Variants in CDH12 observed in about 807,000 individuals in gnomAD.
The protein encoded by CDH12 is cadherin 12, also known as cadherin-12.
Under a neutral mutation model 74.1 loss-of-function variants are expected in CDH12, and 41 were observed. That is an observed-to-expected ratio of 0.55 (90% CI 0.43 to 0.72). The LOEUF is 0.72. Among genes scored for constraint, CDH12 ranks in the 30% least tolerant of loss-of-function variants. The pLI, the probability that CDH12 is intolerant of heterozygous loss-of-function variation, is 0.00. For synonymous variants in CDH12, 399 were observed against 355.0 expected, an observed-to-expected ratio of 1.12 and a Z score of -1.39; for missense variants, 945 against 977.2, an observed-to-expected ratio of 0.97 and a Z score of 0.44.
chr5:22,499,035 C>G (rs989583467), intron 2 of CDH12, among the ~76,000 whole-genome samples: 1 of 150,870 alleles, frequency 6.6e-6, no homozygotes, highest in African/African-American at 2.4e-5. Context: ...TCTCAAGTAC[C>G]GGGGATTACA....
At chr5:22,720,915 A>G (rs542864163) in intron 1 of CDH12, among the ~76,000 whole-genome samples, 64 of 152,278 alleles carry the variant, frequency 4.2e-4, no homozygotes, top group African/African-American at 1.4e-3. Flanking sequence ...TTTAAAGGGG[A>G]AGAAGAGTGT....
chr5:21,882,659 G>A (rs1579901716), intron 6 of CDH12: 1 of 1,606,336 alleles, frequency 6.2e-7, no homozygotes, highest in East Asian at 2.2e-5. Flanking sequence ...TCTCACTCGA[G>A]CTTATGCCAA....
intron 1 of CDH12, among the ~76,000 whole-genome samples, chr5:22,633,170 T>C (rs1186865563): frequency 6.6e-6 from 1 of 152,100 alleles, no homozygotes; most frequent in Admixed American, 6.5e-5. Flanking sequence ...TCATTGCTAG[T>C]AGAATACCCA....
At chr5:22,233,136 GA>G (rs956546169) in intron 3 of CDH12, among the ~76,000 whole-genome samples, 2 of 151,274 alleles carry the variant, frequency 1.3e-5, no homozygotes, top group Admixed American at 1.3e-4. Context: ...AAAGCCTTTG[GA>G]TTTCCACACA....
At chr5:21,850,145 G>T (rs903070372) in intron 7 of CDH12, among the ~76,000 whole-genome samples, 3 of 151,558 alleles carry the variant, frequency 2.0e-5, no homozygotes, top group Non-Finnish European at 4.4e-5. Context: ...AAGGGTCAGG[G>T]TATGGGAGAG....
At chr5:22,486,440 C>G (rs903109885) in intron 2 of CDH12, among the ~76,000 whole-genome samples, 1 of 148,588 alleles carries the variant, frequency 6.7e-6, no homozygotes, top group Non-Finnish European at 1.5e-5. Context: ...GAAGTGGTAA[C>G]TAGTAATTTT....
intron 3 of CDH12, among the ~76,000 whole-genome samples, chr5:22,254,409 T>A (rs1047760412): frequency 6.6e-6 from 1 of 151,886 alleles, no homozygotes; most frequent in Admixed American, 6.6e-5. Flanking sequence ...GAACTTTGAA[T>A]TACTTAGGAC....
chr5:22,717,244 C>T (rs1488226401), intron 1 of CDH12, among the ~76,000 whole-genome samples: 1 of 151,074 alleles, frequency 6.6e-6, no homozygotes, highest in Non-Finnish European at 1.5e-5. Flanking sequence ...ACAGGTGAAC[C>T]TTTTTTTTTA....
In CDH12 at chr5:22,259,221, T is replaced by C. The variant is rs532101880; in HGVS notation, c.-332-46578A>G. 2.0e-5 allele frequency among the ~76,000 whole-genome samples: 3 copies of C among 152,282 alleles called. No homozygotes were observed. In the South Asian group the frequency reaches 6.2e-4, roughly 32 times the overall value. On this transcript the variant is annotated intron_variant, in intron 3 of 14. Transcript: ENST00000382254. ...GATAGTATGAGAAGTACTTATCTAA[T>C]TAATTTTGATCCTCAATGGTCTAAA...
chr5:21,995,510 G>A (rs903028370), intron 5 of CDH12, among the ~76,000 whole-genome samples: 6 of 151,762 alleles, frequency 4.0e-5, no homozygotes, highest in African/African-American at 1.5e-4. Flanking sequence ...GCCATCCTAA[G>A]CATTTTTTAA....
intron 9 of CDH12, among the ~76,000 whole-genome samples, chr5:21,809,448 A>G (rs1310825132): frequency 1.3e-5 from 2 of 152,130 alleles, no homozygotes; most frequent in Non-Finnish European, 2.9e-5. Flanking sequence ...GGGGAGGCCA[A>G]TTATCTTTTC....
chr5:22,454,097 C>G (rs966271457), intron 2 of CDH12, among the ~76,000 whole-genome samples: 1 of 151,762 alleles, frequency 6.6e-6, no homozygotes, highest in African/African-American at 2.4e-5. Context: ...ATAATTTATT[C>G]TCTGAATTTT....
chr5:22,840,886 G>A (rs985696545), intron 1 of CDH12, among the ~76,000 whole-genome samples: 1 of 152,158 alleles, frequency 6.6e-6, no homozygotes, highest in Non-Finnish European at 1.5e-5. Flanking sequence ...CCCAGTCAGA[G>A]GGAACAGCTA....
intron 4 of CDH12, among the ~76,000 whole-genome samples, chr5:22,188,635 C>T (rs1334537790): frequency 6.6e-6 from 1 of 152,204 alleles, no homozygotes; most frequent in Non-Finnish European, 1.5e-5. Context: ...TGTAATCTCA[C>T]ATAACGTCCA....
At chr5:21,859,843 T>G (rs7709542) in intron 6 of CDH12, among the ~76,000 whole-genome samples, 1 of 151,894 alleles carries the variant, frequency 6.6e-6, no homozygotes, top group African/African-American at 2.4e-5. Flanking sequence ...GTTTACTACT[T>G]CACGATGGAG....
At chr5:22,525,320 AC>A (rs1737220311) in intron 1 of CDH12, among the ~76,000 whole-genome samples, 1 of 152,256 alleles carries the variant, frequency 6.6e-6, no homozygotes, top group African/African-American at 2.4e-5. Flanking sequence ...ATTGACCAAA[AC>A]AAATCACATG....
chr5:22,040,717 T>A (rs1335927885), intron 5 of CDH12, among the ~76,000 whole-genome samples: 1 of 152,062 alleles, frequency 6.6e-6, no homozygotes, highest in Non-Finnish European at 1.5e-5. Context: ...AACTTGTCCT[T>A]CAGAAGTAAA....
intron 5 of CDH12, among the ~76,000 whole-genome samples, chr5:22,044,738 T>C (rs1739813548): frequency 6.6e-6 from 1 of 152,206 alleles, no homozygotes; most frequent in African/African-American, 2.4e-5. Context: ...TAAACAGTAC[T>C]GGGATATTTG....
At chr5:22,532,738 A>G (rs1737650119) in intron 1 of CDH12, among the ~76,000 whole-genome samples, 1 of 151,794 alleles carries the variant, frequency 6.6e-6, no homozygotes, top group African/African-American at 2.4e-5. Flanking sequence ...CTGAAACTAA[A>G]CCCCCAAAAT....
Sources: gnomAD v4.1 joint callset for allele counts (sites outside exome capture counted in the v4.1 genomes callset) on GRCh38, gnomAD v4.1.1 for gene constraint, MANE v1.5 for transcripts, NCBI Gene and HGNC (gene_info 2026-07-23, HGNC 2026-07-21) for gene names.